The following NRG3 variants were observed in gnomAD, a reference collection of about 807,000 sequenced individuals.
NRG3 encodes the protein neuregulin 3, also known as pro-neuregulin-3, membrane-bound isoform.
NRG3 carries 31 observed loss-of-function variants against 66.9 expected under a neutral mutation model. The ratio of observed to expected loss-of-function variants is 0.46; its 90% CI spans 0.35 to 0.63. The LOEUF (loss-of-function observed/expected upper bound fraction) is 0.63, where lower values mean the gene tolerates loss of function less well. Among genes scored for constraint, NRG3 ranks in the 20% least tolerant of loss-of-function variants. The probability of loss-of-function intolerance (pLI) is 0.00; values close to 1 mark genes in which losing one functional copy is unlikely to be tolerated. For synonymous variants in NRG3, 393 were observed against 359.4 expected (o/e 1.09, Z -1.06); for missense variants, 910 against 878.9 (o/e 1.04, Z -0.45).
At chr10:82,930,546 A>G (rs1847465187) in intron 4 of NRG3, among the ~76,000 whole-genome samples, 1 of 152,118 alleles carries the variant, frequency 6.6e-6, no homozygotes, top group African/African-American at 2.4e-5. Flanking sequence ...TTGATTGTGT[A>G]TATTGTCTGG....
rs147629840 is a variant in NRG3, at chr10:82,158,915, A to T, written c.824-199824A>T. ...TTACTCACTCAAGCTTTCCATTCAGATGAAGGTGTGAAAAATACATGACAA... is the reference window on the plus strand; with the variant it reads ...TTACTCACTCAAGCTTTCCATTCAGTTGAAGGTGTGAAAAATACATGACAA... On this transcript the variant is annotated intron_variant, in intron 1 of 8. Coordinates refer to ENST00000372141, the MANE Select transcript of NRG3 (RefSeq NM_001010848.4). Among the ~76,000 whole-genome samples, 607 of 151,992 alleles carry T rather than the reference A, an allele frequency of 4.0e-3. 6 individuals are homozygous for T. Among genetic ancestry groups the T allele is most frequent in the African/African-American group, 0.013 (547 of 41,522 alleles).
At chr10:82,346,396 T>G (rs2083025390) in intron 1 of NRG3, among the ~76,000 whole-genome samples, 1 of 139,064 alleles carries the variant, frequency 7.2e-6, no homozygotes, top group South Asian at 2.2e-4. Flanking sequence ...GAACCAGCCT[T>G]GCATCCCAGG....
intron 2 of NRG3, among the ~76,000 whole-genome samples, chr10:82,605,344 A>AT (rs535911305): frequency 2.2e-3 from 332 of 152,112 alleles, no homozygotes; most frequent in Admixed American, 5.5e-3. Flanking sequence ...TAATCATAAG[A>AT]TTTTTTCCTT....
At chr10:82,804,555 C>A (rs1406278102) in intron 3 of NRG3, among the ~76,000 whole-genome samples, 1 of 152,154 alleles carries the variant, frequency 6.6e-6, no homozygotes, top group Non-Finnish European at 1.5e-5. Context: ...GCCACAAAAT[C>A]ATTATCATTC....
chr10:82,068,974 T>C (rs942067512), intron 1 of NRG3, among the ~76,000 whole-genome samples: 4 of 152,216 alleles, frequency 2.6e-5, no homozygotes, highest in Non-Finnish European at 5.9e-5. Flanking sequence ...ACAAGAATTG[T>C]ATTTGAGTTA....
chr10:81,989,262 C>G (rs2060643879), intron 1 of NRG3, among the ~76,000 whole-genome samples: 2 of 151,768 alleles, frequency 1.3e-5, no homozygotes, highest in African/African-American at 4.8e-5. Context: ...ACTAAGTGAA[C>G]TTGCTAAGTA....
chr10:82,714,948 A>G (rs2056887593), intron 2 of NRG3, among the ~76,000 whole-genome samples: 1 of 152,150 alleles, frequency 6.6e-6, no homozygotes, highest in South Asian at 2.1e-4. Flanking sequence ...AATAAAAATC[A>G]CTCCTTTTAC....
intron 1 of NRG3, among the ~76,000 whole-genome samples, chr10:82,313,816 A>G (rs2081160045): frequency 6.6e-6 from 1 of 152,218 alleles, no homozygotes. Context: ...GGGGGAAAAC[A>G]GAAGAATGGC....
chr10:82,534,414 G>A (rs1272282253), intron 2 of NRG3, among the ~76,000 whole-genome samples: 1 of 151,914 alleles, frequency 6.6e-6, no homozygotes, highest in Admixed American at 6.6e-5. Context: ...ACAGGCACAT[G>A]CCACTACACC....
intron 4 of NRG3, among the ~76,000 whole-genome samples, chr10:82,923,378 T>C (rs1019389309): frequency 6.6e-6 from 1 of 152,172 alleles, no homozygotes; most frequent in African/African-American, 2.4e-5. Flanking sequence ...TTCCCTGCCT[T>C]CCAAATCCTG....
intron 1 of NRG3, among the ~76,000 whole-genome samples, chr10:81,906,010 TA>T (rs773185997): frequency 1.3e-5 from 2 of 152,176 alleles, no homozygotes; most frequent in Non-Finnish European, 1.5e-5. Context: ...TAATATGTCT[TA>T]GGGGCAAGGA....
intron 1 of NRG3, among the ~76,000 whole-genome samples, chr10:82,165,658 A>G (rs1437400511): frequency 1.3e-5 from 2 of 151,514 alleles, no homozygotes; most frequent in Non-Finnish European, 1.5e-5. Flanking sequence ...GTTTTCTTTC[A>G]TATTTGTTAT....
intron 1 of NRG3, among the ~76,000 whole-genome samples, chr10:81,910,031 C>T (rs185020996): frequency 3.3e-5 from 5 of 152,256 alleles, no homozygotes; most frequent in Admixed American, 3.3e-4. Flanking sequence ...AAAGCCCCTA[C>T]TCAGAAATTT....
chr10:82,244,175 A>G (rs946660239), intron 1 of NRG3, among the ~76,000 whole-genome samples: 1 of 152,116 alleles, frequency 6.6e-6, no homozygotes, highest in African/African-American at 2.4e-5. Context: ...ACTCTTTCCT[A>G]TGGCTTGGAC....
chr10:82,003,772 CT>C (rs1194072407), intron 1 of NRG3, among the ~76,000 whole-genome samples: 4 of 152,012 alleles, frequency 2.6e-5, no homozygotes, highest in Non-Finnish European at 4.4e-5. Context: ...GTTGACCTAT[CT>C]TTTGAGAAGT....
intron 3 of NRG3, among the ~76,000 whole-genome samples, chr10:82,742,872 G>T (rs2058486211): frequency 6.6e-6 from 1 of 152,092 alleles, no homozygotes; most frequent in African/African-American, 2.4e-5. Flanking sequence ...CTATGTGTCA[G>T]TCAGAACTGT....
intron 3 of NRG3, among the ~76,000 whole-genome samples, chr10:82,842,970 TTATGA>T (rs1400652090): frequency 1.3e-5 from 2 of 152,204 alleles, no homozygotes; most frequent in Non-Finnish European, 1.5e-5. Context: ...CAACAATAAC[TTATGA>T]TAAGATAGAA....
At chr10:81,880,794 T>C (rs1842109822) in intron 1 of NRG3, among the ~76,000 whole-genome samples, 1 of 152,212 alleles carries the variant, frequency 6.6e-6, no homozygotes, top group Admixed American at 6.5e-5. Context: ...TGCTTCTGAA[T>C]AGAACTGAAA....
intron 2 of NRG3, among the ~76,000 whole-genome samples, chr10:82,719,218 G>A (rs2057152757): frequency 6.6e-6 from 1 of 152,168 alleles, no homozygotes; most frequent in South Asian, 2.1e-4. Flanking sequence ...TGTATTGGAA[G>A]TAATAGTGTA....
Sources: gnomAD v4.1 joint callset for allele counts (sites outside exome capture counted in the v4.1 genomes callset) on GRCh38, gnomAD v4.1.1 for gene constraint, MANE v1.5 for transcripts, NCBI Gene and HGNC (gene_info 2026-07-23, HGNC 2026-07-21) for gene names.